The following MARCHF5 variants were observed in gnomAD, a reference collection of about 807,000 sequenced individuals.
The protein encoded by MARCHF5 is membrane associated ring-CH-type finger 5, also known as E3 ubiquitin-protein ligase MARCHF5.
Under a neutral mutation model 36.5 loss-of-function variants are expected in MARCHF5, and 5 were observed. That is an observed-to-expected ratio of 0.14 (90% CI 0.07 to 0.29). The LOEUF is 0.29. MARCHF5 is among the 10% of genes least tolerant of loss of function. MARCHF5 has a pLI of 1.00. For synonymous variants in MARCHF5, 103 were observed against 109.9 expected (o/e 0.94, Z 0.39); for missense variants, 179 against 336.3 (o/e 0.53, Z 3.66).
At chr10:92,291,634 G>C in intron 1 of MARCHF5, 105 bp downstream of exon 1, 1 of 1,416,136 alleles carries the variant, frequency 7.1e-7, no homozygotes, top group Non-Finnish European at 9.2e-7. Flanking sequence ...GTGCCGGGAG[G>C]AGTTCCACGG....
intron 1 of MARCHF5, among the ~76,000 whole-genome samples, chr10:92,297,941 T>G (rs1378292406): frequency 6.6e-6 from 1 of 152,146 alleles, no homozygotes; most frequent in African/African-American, 2.4e-5. Flanking sequence ...CTCACACCTG[T>G]AATCCCAGCA....
At chr10:92,325,003 A>T (rs1455139265) in intron 2 of MARCHF5, among the ~76,000 whole-genome samples, 1 of 152,104 alleles carries the variant, frequency 6.6e-6, no homozygotes, top group Non-Finnish European at 1.5e-5. Context: ...GGTATTTTCA[A>T]GTTTTCCATT....
chr10:92,328,158 A>G (rs535174697), intron 2 of MARCHF5, among the ~76,000 whole-genome samples: 6 of 152,194 alleles, frequency 3.9e-5, no homozygotes, highest in South Asian at 2.1e-4. Flanking sequence ...AGAAACTGTC[A>G]TAGCCAAGAG....
At chr10:92,323,252 T>C (rs947063541) in intron 2 of MARCHF5, among the ~76,000 whole-genome samples, 1 of 152,144 alleles carries the variant, frequency 6.6e-6, no homozygotes, top group African/African-American at 2.4e-5. Flanking sequence ...AGAGCCTTTT[T>C]AGGTTCACAG....
At chr10:92,297,483 C>CTTTTTT (rs965295861) in intron 1 of MARCHF5, among the ~76,000 whole-genome samples, 1 of 122,970 alleles carries the variant, frequency 8.1e-6, no homozygotes, top group Non-Finnish European at 1.7e-5. Context: ...CAGCTTTCAA[C>CTTTTTT]TTTTTTTTTT....
chr10:92,327,185 C>G (rs1843373144), intron 2 of MARCHF5, among the ~76,000 whole-genome samples: 1 of 152,008 alleles, frequency 6.6e-6, no homozygotes, highest in Non-Finnish European at 1.5e-5. Context: ...TTTTACCACT[C>G]TCTGATGTTC....
chr10:92,337,397 C>T (rs1345661472), intron 2 of MARCHF5, among the ~76,000 whole-genome samples: 5 of 151,960 alleles, frequency 3.3e-5, no homozygotes, highest in Non-Finnish European at 7.4e-5. Context: ...AACTGTAATC[C>T]CAGCCACTCA....
intron 2 of MARCHF5, 62 bp downstream of exon 2, chr10:92,311,399 T>G (rs769386676): frequency 9.2e-6 from 11 of 1,193,070 alleles, no homozygotes; most frequent in Non-Finnish European, 1.3e-5. Context: ...ACTTTATAAG[T>G]TCATTTTAAA....
At chr10:92,300,577 C>T (rs1843000540) in intron 1 of MARCHF5, among the ~76,000 whole-genome samples, 1 of 152,124 alleles carries the variant, frequency 6.6e-6, no homozygotes, top group Admixed American at 6.6e-5. Flanking sequence ...ATTATGCTCC[C>T]TATTATGTTT....
rs139114012 is a variant in MARCHF5 at position 92,329,931 on chromosome 10, C to T, written c.239-10742C>T. Among the ~76,000 whole-genome samples the T allele has an allele frequency of 8.8e-3, 1,333 of 152,262 alleles. 15 individuals carry two copies. The highest frequency in any genetic ancestry group is 0.027 in the African/African-American group (1,132 of 41,548). ...CACAATCTTGGCTCACTGTAACCTC[C>T]GCCTCCCGGGTTCAAGCAGTTCTGC... On this transcript the variant is annotated intron_variant, in intron 2 of 5. Coordinates refer to ENST00000358935, the MANE Select transcript of MARCHF5 (RefSeq NM_017824.5).
At chr10:92,330,089 C>T (rs557077780) in intron 2 of MARCHF5, among the ~76,000 whole-genome samples, 5 of 152,288 alleles carry the variant, frequency 3.3e-5, no homozygotes, top group South Asian at 4.1e-4. Flanking sequence ...GTGATTCACC[C>T]GCCTTGGCCT....
intron 2 of MARCHF5, among the ~76,000 whole-genome samples, chr10:92,316,267 T>C (rs1843208112): frequency 6.6e-6 from 1 of 152,180 alleles, no homozygotes; most frequent in Non-Finnish European, 1.5e-5. Flanking sequence ...GAAGAGGTAA[T>C]ATAAGTGTAT....
At chr10:92,347,527 A>T (rs1590669911) in intron 3 of MARCHF5, among the ~76,000 whole-genome samples, 1 of 105,786 alleles carries the variant, frequency 9.5e-6, no homozygotes, top group African/African-American at 4.2e-5. Context: ...GATAGATGAT[A>T]GATATATAGA....
chr10:92,314,822 C>G (rs1219429471), intron 2 of MARCHF5, among the ~76,000 whole-genome samples: 5 of 148,914 alleles, frequency 3.4e-5, no homozygotes, highest in African/African-American at 1.3e-4. Context: ...CTCAAGCAAT[C>G]CACCTACCTT....
intron 3 of MARCHF5, among the ~76,000 whole-genome samples, chr10:92,344,026 A>T (rs1843611368): frequency 6.6e-6 from 1 of 152,208 alleles, no homozygotes; most frequent in African/African-American, 2.4e-5. Flanking sequence ...AGATATATAT[A>T]TTTTGCAAAT....
intron 2 of MARCHF5, among the ~76,000 whole-genome samples, chr10:92,312,432 T>C (rs1220378305): frequency 6.6e-6 from 1 of 152,244 alleles, no homozygotes; most frequent in East Asian, 1.9e-4. Context: ...TTGTGGACCA[T>C]GTGATGGGTC....
At chr10:92,311,037 T>C in intron 1 of MARCHF5, 98 bp from the exon 2 acceptor site, 2 of 808,526 alleles carry the variant, frequency 2.5e-6, no homozygotes, top group Middle Eastern at 3.2e-4. Flanking sequence ...TTCTGTAATA[T>C]AACATAGCAG....
chr10:92,350,894 T>G (rs1405234904), intron 5 of MARCHF5, among the ~76,000 whole-genome samples, 197 bp from the exon 6 acceptor site: 1 of 152,306 alleles, frequency 6.6e-6, no homozygotes, highest in African/African-American at 2.4e-5. Flanking sequence ...TGTCCCCTGT[T>G]ACCTGTAGTA....
intron 3 of MARCHF5, among the ~76,000 whole-genome samples, chr10:92,342,633 A>G (rs946490906): frequency 2.0e-5 from 3 of 152,146 alleles, no homozygotes; most frequent in Non-Finnish European, 2.9e-5. Flanking sequence ...TCTTCTGTCA[A>G]TCCATCCTTC....
Sources: allele counts gnomAD v4.1 joint callset (sites outside exome capture counted in the v4.1 genomes callset), GRCh38; gene constraint gnomAD v4.1.1; transcripts MANE v1.5; gene names NCBI Gene and HGNC (gene_info 2026-07-23, HGNC 2026-07-21).